Variants in MEI1 observed in about 807,000 individuals in gnomAD.
MEI1 encodes meiotic double-stranded break formation protein 1.
A neutral mutation model predicts 146.2 loss-of-function variants in MEI1; 103 were observed. The observed-to-expected ratio is 0.70, with a 90% CI of 0.60 to 0.83. MEI1 has a LOEUF of 0.83. MEI1 is among the 40% of genes least tolerant of loss of function. The pLI is 0.00. For missense variants in MEI1, 1,529 were observed against 1,533.0 expected (o/e 1.00, Z 0.04); for synonymous variants, 652 against 628.2 (o/e 1.04, Z -0.57).
Position 41,730,482 on chromosome 22 carries a change from G to C in MEI1, c.980-39G>C, listed in dbSNP as rs1431650958. The C allele has an allele frequency of 2.9e-6, 4 of 1,382,466 alleles. No homozygotes were observed. The African/African-American group carries it at 5.7e-5, about 20-fold the overall frequency. 85.6% of individuals were successfully genotyped at this position (1,382,466 alleles called of 1,614,324 possible). On this transcript the variant is annotated intron_variant, in intron 8 of 30. Coordinates refer to ENST00000401548, the MANE Select transcript of MEI1 (RefSeq NM_152513.4). The stretch of plus-strand genomic sequence containing the variant: ...ATCAGTTAAGGGATCGTGATCACAT[G>C]GCTGTCATTTATTGTTTTCTCATCC...
At chr22:41,733,789 T>C (rs1238105350) in intron 11 of MEI1, among the ~76,000 whole-genome samples, 3 of 152,016 alleles carry the variant, frequency 2.0e-5, no homozygotes, top group Non-Finnish European at 4.4e-5. Context: ...TTATATAGCA[T>C]TTGCATTGTA....
At chr22:41,757,762 T>C (rs2074193401) in intron 17 of MEI1, among the ~76,000 whole-genome samples, 3 of 152,150 alleles carry the variant, frequency 2.0e-5, no homozygotes, top group Admixed American at 6.5e-5. Flanking sequence ...TCTCTTCCCA[T>C]CAGCTGCCAG....
At chr22:41,748,319 TA>T in intron 15 of MEI1, 101 bp downstream of exon 15, 2 of 764,288 alleles carry the variant, frequency 2.6e-6, no homozygotes, top group Non-Finnish European at 4.6e-6. Flanking sequence ...GCACATTTAC[TA>T]ATTCATTCAG....
At chr22:41,773,528 T>A (rs1415867153) in intron 20 of MEI1, among the ~76,000 whole-genome samples, 1 of 150,866 alleles carries the variant, frequency 6.6e-6, no homozygotes, top group African/African-American at 2.4e-5. Flanking sequence ...GAGTAAGTTT[T>A]TCACTAACTT....
chr22:41,764,361 A>G (rs975752621), intron 19 of MEI1, among the ~76,000 whole-genome samples: 4 of 152,234 alleles, frequency 2.6e-5, no homozygotes, highest in Non-Finnish European at 4.4e-5. Flanking sequence ...GATCTAGGCA[A>G]TGATCACCAG....
intron 19 of MEI1, among the ~76,000 whole-genome samples, chr22:41,766,619 T>C (rs1569285439): frequency 6.6e-6 from 1 of 151,788 alleles, no homozygotes; most frequent in Non-Finnish European, 1.5e-5. Flanking sequence ...TGATCACAAC[T>C]CCCTGCAGGC....
rs373499667 is a variant in MEI1 at position 41,753,998 on chromosome 22, C to T, written c.1903C>T (p.Leu635Phe). 2.7e-5 allele frequency: 44 copies of T among 1,613,646 alleles called. 1 individual carries two copies. The highest frequency in any genetic ancestry group is 2.3e-4 in the African/African-American group (17 of 74,884). The change falls in exon 17 of 31, where the codon CTC becomes TTC. Residue 635 changes from leucine (L) to phenylalanine (F), a missense_variant. Around this residue, in one of 3 missense-constraint regions of MEI1, gnomAD observed 1,212 missense variants for 1,178.9 expected, o/e 1.03. Transcript: ENST00000401548. The part of the protein sequence containing the change: ...VCSNFLYYMC[L>F]NLLSAPEKTG... ...TTCCAATTTCCTCTACTATATGTGC[C>T]TCAACCTTCTCTCAGCTCCAGAGAA...
intron 27 of MEI1, 129 bp from the exon 28 acceptor site, chr22:41,794,242 T>G (rs2076288328): frequency 3.8e-6 from 3 of 781,288 alleles, no homozygotes; most frequent in Non-Finnish European, 4.3e-6. Context: ...AGAACCCTCC[T>G]TGGGTCAGCT....
chr22:41,766,440 G>T (rs2074863920), intron 19 of MEI1, among the ~76,000 whole-genome samples: 3 of 152,110 alleles, frequency 2.0e-5, no homozygotes, highest in Admixed American at 6.5e-5. Context: ...AAAGTGCTGG[G>T]ATTACAGGTG....
Position 41,703,429 on chromosome 22 carries a change from C to T in MEI1, c.273C>T (p.Cys91=), listed in dbSNP as rs1270742645. Residue 91 remains cysteine (C), a synonymous_variant, in exon 2 of 31, where the codon TGC becomes TGT. Transcript: ENST00000401548. ...TGGTGTCTCAGGATCAGAGAGTCTGCATCCACTTCATAAGTGTGCTTTTTG... is the reference window on the plus strand; with the variant it reads ...TGGTGTCTCAGGATCAGAGAGTCTGTATCCACTTCATAAGTGTGCTTTTTG... ...TQLVSQDQRV[C]IHFISVLFGL... is the part of the protein sequence containing the mutation. 6.2e-7 allele frequency: 1 copy of T among 1,602,708 alleles called. No individual in the cohort carries two copies. Among genetic ancestry groups the T allele is most frequent in the Admixed American group, 1.7e-5 (1 of 57,784 alleles).
intron 11 of MEI1, among the ~76,000 whole-genome samples, chr22:41,733,812 TGTAATCTAGAGATGATTTAAA>T (rs2072077783): frequency 1.3e-5 from 2 of 152,244 alleles, no homozygotes; most frequent in South Asian, 4.1e-4. Context: ...AGGTATTATA[TGTAATCTAGAGATGATTTAAA>T]GTATACTGGA....
At chr22:41,725,302 C>T (rs549739391) in intron 7 of MEI1, among the ~76,000 whole-genome samples, 21 of 151,848 alleles carry the variant, frequency 1.4e-4, no homozygotes, top group Admixed American at 2.0e-4. Context: ...TTAGAAGAGA[C>T]GGGGCTTCAC....
intron 11 of MEI1, among the ~76,000 whole-genome samples, chr22:41,741,711 C>T (rs972573203): frequency 6.6e-5 from 10 of 152,174 alleles, no homozygotes; most frequent in African/African-American, 2.2e-4. Flanking sequence ...CGTGGTGGCT[C>T]ACGCTTGTAA....
rs202048478 is a variant in MEI1 at position 41,745,945 on chromosome 22, C to A, written c.1599C>A (p.Ser533Arg). The A allele has an allele frequency of 1.2e-6, 2 of 1,613,320 alleles. No homozygotes were observed. Among genetic ancestry groups the A allele is most frequent in the South Asian group, 2.2e-5 (2 of 91,026 alleles). The change falls in exon 14 of 31, where the codon AGC (serine) becomes AGA (arginine). Residue 533 changes from serine to arginine, a missense_variant. Transcript: ENST00000401548. Reference sequence around the variant, plus strand: ...AGGAGAATCCATTCACAGCTCCCAGCGCCAAGAAGGAAGACACCTTGGAGG... The same window carrying A: ...AGGAGAATCCATTCACAGCTCCCAGAGCCAAGAAGGAAGACACCTTGGAGG... ...SAQENPFTAP[S>R]AKKEDTLEAF...
At chr22:41,760,960 GTT>G (rs112055698) in intron 18 of MEI1, among the ~76,000 whole-genome samples, 1 of 151,838 alleles carries the variant, frequency 6.6e-6, no homozygotes, top group African/African-American at 2.4e-5. Context: ...TCACTTCTTT[GTT>G]TTTTTTCTTA....
At chr22:41,735,464 C>T (rs1371785901) in intron 11 of MEI1, among the ~76,000 whole-genome samples, 2 of 152,094 alleles carry the variant, frequency 1.3e-5, no homozygotes, top group African/African-American at 4.8e-5. Flanking sequence ...GAACTGCCGA[C>T]CTCAGGTGAT....
At position 41,799,347 on chromosome 22, in the gene MEI1, G is replaced by C. The variant is rs1391872525; in HGVS notation, c.*48G>C. On this transcript the variant is annotated 3_prime_UTR_variant, in exon 31 of 31. Transcript: ENST00000401548. ...AAGTGGAGAGAGAATGAGACCTGGA[G>C]ACAAAGGGCATAATTGTTGGGGAAA... 2 of 1,569,526 alleles carry C rather than the reference G, an allele frequency of 1.3e-6. No individual in the cohort carries two copies. Among genetic ancestry groups the C allele is most frequent in the Non-Finnish European group, 1.8e-6 (2 of 1,142,068 alleles).
Position 41,753,954 on chromosome 22 carries a change from C to G in MEI1, c.1859C>G (p.Ser620Ter). 6.2e-7 allele frequency: 1 copy of G among 1,609,796 alleles called. No homozygotes were observed. Among genetic ancestry groups the G allele is most frequent in the Non-Finnish European group, 8.5e-7 (1 of 1,176,092 alleles). Residue 620 changes from serine to a stop codon, truncating the protein, a stop_gained, in exon 17 of 31, where the codon TCA (serine) becomes TGA (stop). Coordinates refer to ENST00000401548, the MANE Select transcript of MEI1 (RefSeq NM_152513.4). LOFTEE classifies it high-confidence loss of function. Reference sequence around the variant, plus strand: ...TTTCTTCTTCTCCCTCTAAGTCACTCAGCCCTAAACCAGGTGTGTTCCAAT... The same window carrying G: ...TTTCTTCTTCTCCCTCTAAGTCACTGAGCCCTAAACCAGGTGTGTTCCAAT... ...KARFCSGLSHSALNQVCSNFL... is the reference protein window; with the variant it reads ...KARFCSGLSH
At chr22:41,705,945 C>T (rs1045559042) in intron 3 of MEI1, among the ~76,000 whole-genome samples, 3 of 151,928 alleles carry the variant, frequency 2.0e-5, no homozygotes, top group East Asian at 1.9e-4. Context: ...TGACCTCAGG[C>T]GATCTGCCTG....
Sources: allele counts gnomAD v4.1 joint callset (sites outside exome capture counted in the v4.1 genomes callset), GRCh38; gene constraint gnomAD v4.1.1; regional missense constraint gnomAD v4.1.1; transcripts MANE v1.5; gene names NCBI Gene and HGNC (gene_info 2026-07-23, HGNC 2026-07-21).